The following IGF1R variants were observed in gnomAD, a reference collection of about 807,000 sequenced individuals.
The protein encoded by IGF1R is insulin-like growth factor 1 receptor.
IGF1R carries 44 observed loss-of-function variants against 144.6 expected under a neutral mutation model. The observed-to-expected ratio is 0.30, with a 90% CI of 0.24 to 0.39. The LOEUF (loss-of-function observed/expected upper bound fraction) is 0.39, where lower values mean the gene tolerates loss of function less well. Among genes scored for constraint, IGF1R ranks in the 10% least tolerant of loss-of-function variants. IGF1R has a pLI of 1.00. For missense variants in IGF1R, 1,355 were observed against 1,833.7 expected, an observed-to-expected ratio of 0.74 and a Z score of 4.77; for synonymous variants, 795 against 722.8, an observed-to-expected ratio of 1.10 and a Z score of -1.60.
At chr15:98,743,800 A>T (rs781289382) in intron 2 of IGF1R, among the ~76,000 whole-genome samples, 2 of 152,226 alleles carry the variant, frequency 1.3e-5, no homozygotes, top group Non-Finnish European at 2.9e-5. Flanking sequence ...GGAGTAGGCA[A>T]TGCAAAAGGC....
chr15:98,830,603 A>ACCTTTTTTTTTT (rs949484748), intron 2 of IGF1R, among the ~76,000 whole-genome samples: 3 of 133,722 alleles, frequency 2.2e-5, no homozygotes, highest in African/African-American at 9.9e-5. Flanking sequence ...TCTGATCATC[A>ACCTTTTTTTTTT]TCTTTTTTTT....
At chr15:98,875,555 T>C (rs1019576763) in intron 2 of IGF1R, among the ~76,000 whole-genome samples, 3 of 152,152 alleles carry the variant, frequency 2.0e-5, no homozygotes, top group Admixed American at 2.0e-4. Context: ...ACTTTTTTTT[T>C]TTTTGAGAAT....
intron 2 of IGF1R, among the ~76,000 whole-genome samples, chr15:98,847,904 A>G (rs1282447085): frequency 6.6e-6 from 1 of 152,192 alleles, no homozygotes; most frequent in East Asian, 1.9e-4. Context: ...CAGGACTCTG[A>G]TAGGACAGAC....
At chr15:98,649,989 G>A (rs985485721) in intron 1 of IGF1R, among the ~76,000 whole-genome samples, 1 of 152,028 alleles carries the variant, frequency 6.6e-6, no homozygotes, top group East Asian at 1.9e-4. Flanking sequence ...AGTTGGTGCC[G>A]GGGCGGGCTC....
At chr15:98,837,087 A>AT (rs1380215424) in intron 2 of IGF1R, among the ~76,000 whole-genome samples, 2 of 151,710 alleles carry the variant, frequency 1.3e-5, no homozygotes, top group African/African-American at 4.8e-5. Flanking sequence ...CTTTTTTCAT[A>AT]TTTCTTTTCT....
At chr15:98,796,101 T>A (rs921439755) in intron 2 of IGF1R, among the ~76,000 whole-genome samples, 1 of 152,008 alleles carries the variant, frequency 6.6e-6, no homozygotes, top group Admixed American at 6.6e-5. Flanking sequence ...CATATGAACG[T>A]GAAAGAGGCT....
intron 2 of IGF1R, among the ~76,000 whole-genome samples, chr15:98,779,490 T>C (rs2141389427): frequency 6.6e-6 from 1 of 152,376 alleles, no homozygotes; most frequent in Admixed American, 6.5e-5. Flanking sequence ...ATTCCCACCG[T>C]ACAGATGAGG....
chr15:98,704,031 C>T lies in IGF1R; in HGVS notation c.95-3531C>T, dbSNP rs1461595498. Among the ~76,000 whole-genome samples the T allele has an allele frequency of 6.8e-6, 1 of 146,986 alleles. No homozygotes were observed. Among genetic ancestry groups the T allele is most frequent in the Non-Finnish European group, 1.5e-5 (1 of 67,136 alleles). On this transcript the variant is annotated intron_variant, in intron 1 of 20. Coordinates refer to ENST00000650285, the MANE Select transcript of IGF1R (RefSeq NM_000875.5). The surrounding 1 kb of genome is among the most constrained non-coding windows in gnomAD (Gnocchi z 4.9). ...GACGGGTCACTTTTCGAAACTCAGGCACACGACACACAGTTAATTTAGTGT... is the reference window on the plus strand; with the variant it reads ...GACGGGTCACTTTTCGAAACTCAGGTACACGACACACAGTTAATTTAGTGT...
At chr15:98,897,702 C>T (rs983286469) in intron 4 of IGF1R, among the ~76,000 whole-genome samples, 2 of 152,200 alleles carry the variant, frequency 1.3e-5, no homozygotes, top group African/African-American at 2.4e-5. Context: ...CAGCCTCCCA[C>T]GTTGCTGGGA....
At chr15:98,759,972 C>A (rs1303946865) in intron 2 of IGF1R, among the ~76,000 whole-genome samples, 1 of 152,188 alleles carries the variant, frequency 6.6e-6, no homozygotes, top group Non-Finnish European at 1.5e-5. Flanking sequence ...ACTGCCTTTG[C>A]TGCCACATTT....
chr15:98,788,062 CTG>C (rs59500414), intron 2 of IGF1R, among the ~76,000 whole-genome samples: 157 of 131,094 alleles, frequency 1.2e-3, no homozygotes, highest in African/African-American at 4.4e-3. Context: ...CTCTCTCTCT[CTG>C]TGTGTGTGTG....
intron 2 of IGF1R, among the ~76,000 whole-genome samples, chr15:98,757,329 A>G (rs575848753): frequency 6.6e-6 from 1 of 151,980 alleles, no homozygotes; most frequent in African/African-American, 2.4e-5. Flanking sequence ...GCACCTGGCT[A>G]ATTTTCATAT....
At chr15:98,744,119 G>T (rs2054809859) in intron 2 of IGF1R, among the ~76,000 whole-genome samples, 1 of 152,010 alleles carries the variant, frequency 6.6e-6, no homozygotes, top group Admixed American at 6.6e-5. Flanking sequence ...ACTTGGTTTA[G>T]GTGGTCCTGG....
chr15:98,912,183 G>A (rs1378717030), intron 7 of IGF1R, among the ~76,000 whole-genome samples: 2 of 152,164 alleles, frequency 1.3e-5, no homozygotes, highest in Admixed American at 1.3e-4. Flanking sequence ...TAATCCCATA[G>A]TTCTCTCTCC....
chr15:98,957,890 G>T lies in IGF1R; in HGVS notation c.*448G>T, dbSNP rs933593686. On this transcript the variant is annotated 3_prime_UTR_variant, in exon 21 of 21. Transcript: ENST00000650285. ...CCCCATCCAACCACTGTACACACCC[G>T]CCTGACACCGTGGGTCATTACAAAA... 1.6e-5 allele frequency: 4 copies of T among 246,194 alleles called. No homozygotes were observed. Among genetic ancestry groups the T allele is most frequent in the Non-Finnish European group, 3.2e-5 (4 of 126,704 alleles). The allele number at this position is 246,194 out of a possible 1,614,324, so 15.3% of individuals were successfully genotyped here.
chr15:98,787,020 A>G (rs7178397), intron 2 of IGF1R, among the ~76,000 whole-genome samples: 7,829 of 152,234 alleles, frequency 0.051, 666 homozygotes, highest in African/African-American at 0.18. Context: ...TGAGCCAGCA[A>G]TGTAGTTTAA....
chr15:98,799,217 C>T (rs1460240874), intron 2 of IGF1R, among the ~76,000 whole-genome samples: 1 of 152,052 alleles, frequency 6.6e-6, no homozygotes, highest in African/African-American at 2.4e-5. Context: ...TGTGCCTCCC[C>T]CTTTCGTGAG....
At chr15:98,845,399 C>T (rs1405766982) in intron 2 of IGF1R, among the ~76,000 whole-genome samples, 1 of 122,564 alleles carries the variant, frequency 8.2e-6, no homozygotes, top group East Asian at 2.7e-4. Flanking sequence ...CCCTCCTCCT[C>T]GCCTCCCTCC....
chr15:98,835,838 G>A (rs912561181), intron 2 of IGF1R, among the ~76,000 whole-genome samples: 2 of 152,188 alleles, frequency 1.3e-5, no homozygotes, highest in African/African-American at 4.8e-5. Context: ...TCAAAGCCAA[G>A]TTCTGAATAA....
Sources: gnomAD v4.1 joint callset for allele counts (sites outside exome capture counted in the v4.1 genomes callset) on GRCh38, gnomAD v4.1.1 for gene constraint, Gnocchi (gnomAD v3.1) non-coding constraint, MANE v1.5 for transcripts, NCBI Gene and HGNC (gene_info 2026-07-23, HGNC 2026-07-21) for gene names.